The following PLXNC1 variants were observed in gnomAD, a reference collection of about 807,000 sequenced individuals.
PLXNC1 encodes plexin-C1.
In PLXNC1, 75 loss-of-function variants were observed where a neutral mutation model predicts 178.2. That is an observed-to-expected ratio of 0.42 (90% CI 0.35 to 0.51). The LOEUF (loss-of-function observed/expected upper bound fraction) is 0.51, where lower values mean the gene tolerates loss of function less well. Ranked by LOEUF, PLXNC1 falls within the 20% of genes least tolerant of loss-of-function variation. The pLI, the probability that PLXNC1 is intolerant of heterozygous loss-of-function variation, is 0.02. For missense variants in PLXNC1, 1,503 were observed against 1,984.4 expected (o/e 0.76, Z 4.61); for synonymous variants, 790 against 779.9 (o/e 1.01, Z -0.22).
intron 9 of PLXNC1, among the ~76,000 whole-genome samples, chr12:94,234,830 C>G (rs1344726338): frequency 6.6e-6 from 1 of 152,156 alleles, no homozygotes; most frequent in Admixed American, 6.5e-5. Context: ...AAAAATTGAT[C>G]TAAAATATTG....
Position 94,149,410 on chromosome 12 carries a change from CT to C in PLXNC1, c.440del (p.Leu147ArgfsTer153). The C allele has an allele frequency of 7.0e-7, 1 of 1,437,186 alleles. No individual in the cohort carries two copies. Among genetic ancestry groups the C allele is most frequent in the Non-Finnish European group, 9.0e-7 (1 of 1,105,128 alleles). 89.0% of individuals were successfully genotyped at this position (1,437,186 alleles called of 1,614,324 possible). On this transcript the variant is annotated frameshift_variant, in exon 1 of 31. Transcript: ENST00000258526. LOFTEE classifies it high-confidence loss of function. The stretch of plus-strand genomic sequence containing the variant: ...CCTGGGCAACCTGAGCCGCAACTCC[CT>C]GCGCAACGGCACCGAGGTGGTGTCG... ...RPLGNLSRNS[L>X]RNGTEVVSCH...
At chr12:94,155,669 C>T (rs749829546) in intron 1 of PLXNC1, among the ~76,000 whole-genome samples, 13 of 152,180 alleles carry the variant, frequency 8.5e-5, no homozygotes, top group Non-Finnish European at 1.9e-4. Flanking sequence ...TCTCAAAAAC[C>T]TGTAAGCCAT....
intron 1 of PLXNC1, among the ~76,000 whole-genome samples, chr12:94,167,188 T>C (rs773497913): frequency 9.2e-5 from 14 of 152,194 alleles, no homozygotes; most frequent in Non-Finnish European, 2.1e-4. Flanking sequence ...ATCCAGTCTT[T>C]TGCAAACAGG....
chr12:94,149,947 A>T lies in PLXNC1; in HGVS notation c.976A>T (p.Thr326Ser). The T allele has an allele frequency of 1.3e-6, 2 of 1,587,182 alleles. No individual in the cohort carries two copies. The highest frequency in any genetic ancestry group is 1.7e-6 in the Non-Finnish European group (2 of 1,167,828). Residue 326 changes from threonine (T) to serine (S), a missense_variant, in exon 1 of 31, where the codon ACG becomes TCG. This residue lies in a region of PLXNC1 where 615 missense variants were observed against 698.6 expected (regional missense o/e 0.88). Coordinates refer to ENST00000258526, the MANE Select transcript of PLXNC1 (RefSeq NM_005761.3). Reference sequence around the variant, plus strand: ...CCAGGAGCGGCGCTCCCCCACCACCACGGCGCTCTGCCTCTTCAGAATGAG... The same window carrying T: ...CCAGGAGCGGCGCTCCCCCACCACCTCGGCGCTCTGCCTCTTCAGAATGAG... ...EGQERRSPTT[T>S]ALCLFRMSEI...
intron 15 of PLXNC1, among the ~76,000 whole-genome samples, chr12:94,253,026 C>T (rs1425986858): frequency 6.6e-6 from 1 of 151,958 alleles, no homozygotes; most frequent in Non-Finnish European, 1.5e-5. Flanking sequence ...TCCTGACCAA[C>T]ATGGTGAAAC....
intron 2 of PLXNC1, among the ~76,000 whole-genome samples, chr12:94,180,732 A>G (rs1163102647): frequency 6.6e-6 from 1 of 152,190 alleles, no homozygotes; most frequent in Non-Finnish European, 1.5e-5. Context: ...TAACTGTATG[A>G]TGATCAGAGT....
intron 28 of PLXNC1, among the ~76,000 whole-genome samples, chr12:94,301,902 T>G (rs564911582): frequency 6.6e-6 from 1 of 152,286 alleles, no homozygotes; most frequent in Non-Finnish European, 1.5e-5. Flanking sequence ...ATCCCCAAAT[T>G]ATTGGTTACC....
Position 94,181,507 on chromosome 12 carries a change from A to G in PLXNC1, c.1265A>G (p.Glu422Gly). 1 of 1,597,042 alleles carries G rather than the reference A, an allele frequency of 6.3e-7. No homozygotes were observed. Among genetic ancestry groups the G allele is most frequent in the Non-Finnish European group, 8.6e-7 (1 of 1,164,564 alleles). ...GAGGTTATCTATGAAATTAAAGAAG[A>G]GACACCTGTTTTCTACAAACTCGTT... The part of the protein sequence containing the change: ...CPEVIYEIKE[E>G]TPVFYKLVPD... The change falls in exon 3 of 31, where the codon GAG (glutamate) becomes GGG (glycine). Residue 422 changes from glutamate (E) to glycine (G), a missense_variant. By Grantham distance (98) the Glu-to-Gly change is moderately conservative. Coordinates refer to ENST00000258526, the MANE Select transcript of PLXNC1 (RefSeq NM_005761.3).
intron 2 of PLXNC1, among the ~76,000 whole-genome samples, chr12:94,175,399 A>G (rs949575501): frequency 5.3e-5 from 8 of 152,130 alleles, no homozygotes; most frequent in African/African-American, 1.9e-4. Context: ...AAAAAAAAAT[A>G]GTTTTTTGTT....
intron 4 of PLXNC1, among the ~76,000 whole-genome samples, chr12:94,199,791 T>TTTGG (rs1963052502): frequency 6.6e-6 from 1 of 151,406 alleles, no homozygotes; most frequent in Non-Finnish European, 1.5e-5. Flanking sequence ...TGTTTGTTTG[T>TTTGG]TTGGTTGGTT....
In PLXNC1 at chr12:94,240,577, A is replaced by G. The variant is rs771329060; in HGVS notation, c.2213A>G (p.Asp738Gly). ...ATGAAGGATGTGTGTATCCAGTTTG[A>G]TGGTGGGAACTGCTCTTCTGTGGGA... ...KEMKDVCIQF[D>G]GGNCSSVGSL... is the part of the protein sequence containing the mutation. Residue 738 changes from aspartate to glycine, a missense_variant, in exon 11 of 31, where the codon GAT becomes GGT. This residue lies in a region of PLXNC1 where 615 missense variants were observed against 698.6 expected (regional missense o/e 0.88). Transcript: ENST00000258526. The G allele has an allele frequency of 5.6e-6, 9 of 1,613,960 alleles. No homozygotes were observed. Among genetic ancestry groups the G allele is most frequent in the Admixed American group, 1.7e-5 (1 of 60,028 alleles).
At chr12:94,181,402 T>G (rs775479834) in intron 2 of PLXNC1, 44 bp from the exon 3 acceptor site, 2 of 1,247,026 alleles carry the variant, frequency 1.6e-6, no homozygotes, top group East Asian at 2.5e-5. Context: ...AAAAAAAAAG[T>G]ATTAAATAGA....
chr12:94,304,042 T>G lies in PLXNC1; in HGVS notation c.4593T>G (p.Tyr1531Ter). The change falls in exon 30 of 31, where the codon TAT (tyrosine) becomes TAG (stop). Residue 1531 changes from tyrosine to a stop codon, truncating the protein, a stop_gained. Coordinates refer to ENST00000258526, the MANE Select transcript of PLXNC1 (RefSeq NM_005761.3). LOFTEE classifies it high-confidence loss of function. ...LTEIYKYIVK[Y>*]FDEILNKLER... ...AAATTTACAAATACATCGTAAAATA[T>G]TTTGATGAGGTAAGATTTTAAATAA... is the stretch of plus-strand genomic sequence containing the variant. 6.5e-7 allele frequency: 1 copy of G among 1,533,050 alleles called. No individual in the cohort carries two copies. Among genetic ancestry groups the G allele is most frequent in the Non-Finnish European group, 9.0e-7 (1 of 1,108,354 alleles). 95.0% of individuals were successfully genotyped at this position (1,533,050 alleles called of 1,614,324 possible).
chr12:94,264,939 G>A (rs569828797), intron 20 of PLXNC1, 140 bp from the exon 21 acceptor site: 7 of 827,866 alleles, frequency 8.5e-6, no homozygotes, highest in African/African-American at 6.8e-5. Context: ...GTGGAGCAAC[G>A]TGTATTTTCT....
chr12:94,176,166 T>C (rs556418640), intron 2 of PLXNC1, among the ~76,000 whole-genome samples: 11 of 152,346 alleles, frequency 7.2e-5, no homozygotes, highest in African/African-American at 1.2e-4. Flanking sequence ...TTGTGACTCA[T>C]TGTTACTTCC....
chr12:94,178,642 G>C (rs1319479795), intron 2 of PLXNC1, among the ~76,000 whole-genome samples: 1 of 152,166 alleles, frequency 6.6e-6, no homozygotes, highest in African/African-American at 2.4e-5. Flanking sequence ...AGCAGTGTTG[G>C]CCAAGAGAAC....
At chr12:94,197,223 T>A (rs1490145202) in intron 4 of PLXNC1, among the ~76,000 whole-genome samples, 1 of 150,634 alleles carries the variant, frequency 6.6e-6, no homozygotes, top group African/African-American at 2.4e-5. Flanking sequence ...CCATGTCCTA[T>A]GGTTTGAATG....
rs191288571 is a variant in PLXNC1 at position 94,221,886 on chromosome 12, C to T, written c.1702+1723C>T. Among the ~76,000 whole-genome samples, 9 of 152,240 alleles carry T rather than the reference C, an allele frequency of 5.9e-5. No homozygotes were observed. In the East Asian group the frequency reaches 1.2e-3, roughly 20 times the overall value. The stretch of plus-strand genomic sequence containing the variant: ...TGATTTAATCACTTCACAAAGGCCC[C>T]GTGGCTTAATACTATCACATTGGGT... On this transcript the variant is annotated intron_variant, in intron 6 of 30. Coordinates refer to ENST00000258526, the MANE Select transcript of PLXNC1 (RefSeq NM_005761.3).
At chr12:94,159,005 G>C (rs1035344636) in intron 1 of PLXNC1, among the ~76,000 whole-genome samples, 19 of 152,192 alleles carry the variant, frequency 1.2e-4, no homozygotes, top group African/African-American at 4.1e-4. Flanking sequence ...ATGTGTTCTA[G>C]AAAGATTACT....
Sources: allele counts gnomAD v4.1 joint callset (sites outside exome capture counted in the v4.1 genomes callset), GRCh38; gene constraint gnomAD v4.1.1; regional missense constraint gnomAD v4.1.1; transcripts MANE v1.5; gene names NCBI Gene and HGNC (gene_info 2026-07-23, HGNC 2026-07-21).